The following STEAP1B variants were observed in gnomAD, a reference collection of about 807,000 sequenced individuals.
STEAP1B encodes the protein STEAP family protein MGC87042.
A neutral mutation model predicts 27.9 loss-of-function variants in STEAP1B; 13 were observed. The observed-to-expected ratio is 0.47, with a 90% CI of 0.30 to 0.74. The LOEUF is 0.74. Among genes scored for constraint, STEAP1B ranks in the 30% least tolerant of loss-of-function variants. The probability of loss-of-function intolerance (pLI) is 0.06; values close to 1 mark genes in which losing one functional copy is unlikely to be tolerated. For synonymous variants in STEAP1B, 86 were observed against 107.1 expected, an observed-to-expected ratio of 0.80 and a Z score of 1.22; for missense variants, 250 against 298.7, an observed-to-expected ratio of 0.84 and a Z score of 1.20.
chr7:22,467,190 GACCC>G (rs1241240667), intron 4 of STEAP1B, among the ~76,000 whole-genome samples: 1 of 152,168 alleles, frequency 6.6e-6, no homozygotes, highest in Non-Finnish European at 1.5e-5. Flanking sequence ...AAAGGATAAT[GACCC>G]ACTTTTAGTA....
intron 4 of STEAP1B, among the ~76,000 whole-genome samples, chr7:22,430,909 G>A (rs765553498): frequency 1.3e-4 from 20 of 152,160 alleles, no homozygotes; most frequent in African/African-American, 2.4e-4. Context: ...GATTCTCAGC[G>A]TCTCTCTGCC....
intron 4 of STEAP1B, among the ~76,000 whole-genome samples, chr7:22,460,402 A>G (rs749922098): frequency 2.6e-5 from 4 of 151,714 alleles, no homozygotes; most frequent in Admixed American, 6.6e-5. Flanking sequence ...GAGAGCATTC[A>G]AGGAAGGACA....
rs746611543 is a variant in STEAP1B at position 22,494,817 on chromosome 7, A to T, written c.39T>A (p.Ile13=). Residue 13 remains isoleucine (I), a synonymous_variant, in exon 2 of 5, where the codon ATT becomes ATA. Transcript: ENST00000678116. ...SRKDITNQEE[I]WKMKPRRNLE... ...AATTTCTCCTAGGCTTCATTTTCCA[A>T]ATTTCTTCTTGGTTTGTGATGTCTT... The T allele has an allele frequency of 4.4e-6, 7 of 1,589,844 alleles. No homozygotes were observed. In the African/African-American group the frequency reaches 9.5e-5, roughly 22 times the overall value.
rs116079374 is a variant in STEAP1B at position 22,456,308 on chromosome 7, G to T, written c.762+36257C>A. ...TCAGATTGTCTTCCTCAGTTTCCAA[G>T]GAAGAAATCGTGCTTAAAAACCAAC... On this transcript the variant is annotated intron_variant, in intron 4 of 4. Transcript: ENST00000678116. 1.4e-3 allele frequency among the ~76,000 whole-genome samples: 210 copies of T among 152,308 alleles called. 2 individuals carry two copies. The highest frequency in any genetic ancestry group is 4.0e-3 in the African/African-American group (166 of 41,546).
At chr7:22,432,052 G>A (rs909220017) in intron 4 of STEAP1B, among the ~76,000 whole-genome samples, 6 of 152,178 alleles carry the variant, frequency 3.9e-5, no homozygotes, top group Non-Finnish European at 7.4e-5. Context: ...TTTGGGAGAT[G>A]ATTAGATCAT....
At chr7:22,449,469 C>T (rs1785453850) in intron 4 of STEAP1B, among the ~76,000 whole-genome samples, 1 of 152,176 alleles carries the variant, frequency 6.6e-6, no homozygotes, top group Non-Finnish European at 1.5e-5. Flanking sequence ...TTGGAAATGA[C>T]AGGATCTTAT....
At position 22,436,225 on chromosome 7, in the gene STEAP1B, A is replaced by G. The variant is rs185783966; in HGVS notation, c.763-16389T>C. The stretch of plus-strand genomic sequence containing the variant: ...CTTTTTTAAAAAAATCAACTTTATT[A>G]AAGTATTGACATACAAAAAGCTGTA... On this transcript the variant is annotated intron_variant, in intron 4 of 4. Transcript: ENST00000678116. Among the ~76,000 whole-genome samples the G allele has an allele frequency of 2.8e-4, 42 of 152,376 alleles. No individual in the cohort carries two copies. The East Asian group carries it at 7.9e-3, about 29-fold the overall frequency.
At chr7:22,445,321 G>A (rs996341977) in intron 4 of STEAP1B, among the ~76,000 whole-genome samples, 3 of 152,212 alleles carry the variant, frequency 2.0e-5, no homozygotes, top group Non-Finnish European at 2.9e-5. Context: ...CCTGTAAACC[G>A]CATTGTATTT....
chr7:22,497,545 A>G (rs1168497876), intron 1 of STEAP1B, among the ~76,000 whole-genome samples: 1 of 152,170 alleles, frequency 6.6e-6, no homozygotes, highest in African/African-American at 2.4e-5. Flanking sequence ...GCATATGCCA[A>G]TCATCAAGTA....
intron 4 of STEAP1B, among the ~76,000 whole-genome samples, chr7:22,490,619 C>T (rs1786305229): frequency 6.6e-6 from 1 of 152,192 alleles, no homozygotes; most frequent in Non-Finnish European, 1.5e-5. Flanking sequence ...ATGCACAACA[C>T]CTAGGAGTGT....
intron 4 of STEAP1B, among the ~76,000 whole-genome samples, chr7:22,491,505 G>A (rs945448369): frequency 6.6e-6 from 1 of 152,198 alleles, no homozygotes; most frequent in Non-Finnish European, 1.5e-5. Flanking sequence ...AGGCTGGGAT[G>A]ACTATAGAAA....
chr7:22,457,271 T>A lies in STEAP1B; in HGVS notation c.762+35294A>T, dbSNP rs146801491. On this transcript the variant is annotated intron_variant, in intron 4 of 4. Transcript: ENST00000678116. ...GTAAAAGGGAGTTCTGATTTTTAAT[T>A]GGGGGTAGAAAAAATAAATTAGGAA... 3.0e-3 allele frequency among the ~76,000 whole-genome samples: 461 copies of A among 151,974 alleles called. 2 individuals are homozygous for A. The highest frequency in any genetic ancestry group is 9.7e-3 in the African/African-American group (401 of 41,466).
chr7:22,443,646 A>G (rs772509175), intron 4 of STEAP1B, among the ~76,000 whole-genome samples: 13 of 152,216 alleles, frequency 8.5e-5, no homozygotes, highest in Non-Finnish European at 1.5e-4. Context: ...TGCACACTGT[A>G]CATAGTCAGT....
Position 22,437,460 on chromosome 7 carries a change from T to G in STEAP1B, c.763-17624A>C, listed in dbSNP as rs146435430. ...CCTTCTTTCTTAAGACTGAATAATA[T>G]TCCATTGTGGGTATATACATTTTCG... is the stretch of plus-strand genomic sequence containing the variant. On this transcript the variant is annotated intron_variant, in intron 4 of 4. Transcript: ENST00000678116. Among the ~76,000 whole-genome samples, 509 of 152,376 alleles carry G rather than the reference T, an allele frequency of 3.3e-3. 3 individuals carry two copies. Among genetic ancestry groups the G allele is most frequent in the African/African-American group, 0.012 (495 of 41,594 alleles).
At chr7:22,459,778 G>A (rs1203884103) in intron 4 of STEAP1B, among the ~76,000 whole-genome samples, 2 of 152,062 alleles carry the variant, frequency 1.3e-5, no homozygotes, top group East Asian at 1.9e-4. Context: ...CCCGTTATGG[G>A]TCCCGTCCTC....
intron 4 of STEAP1B, among the ~76,000 whole-genome samples, chr7:22,423,284 T>C (rs1023764236): frequency 2.0e-5 from 3 of 152,110 alleles, no homozygotes; most frequent in Admixed American, 1.3e-4. Context: ...TTAAGAGAAA[T>C]AAAAATATAT....
chr7:22,456,662 A>C (rs1415904136), intron 4 of STEAP1B, among the ~76,000 whole-genome samples: 1 of 152,064 alleles, frequency 6.6e-6, no homozygotes, highest in Non-Finnish European at 1.5e-5. Flanking sequence ...ATCTGAAAGA[A>C]ATGTCTGACT....
intron 4 of STEAP1B, among the ~76,000 whole-genome samples, chr7:22,453,937 C>G (rs1426462026): frequency 6.6e-6 from 1 of 152,172 alleles, no homozygotes. Context: ...TGTATCCATT[C>G]TGCTGTTGAT....
At chr7:22,445,610 C>T (rs1379210436) in intron 4 of STEAP1B, among the ~76,000 whole-genome samples, 1 of 152,274 alleles carries the variant, frequency 6.6e-6, no homozygotes, top group Non-Finnish European at 1.5e-5. Context: ...CCTGGCTTCC[C>T]GCCCTCCACC....
Sources: allele counts gnomAD v4.1 joint callset (sites outside exome capture counted in the v4.1 genomes callset), GRCh38; gene constraint gnomAD v4.1.1; transcripts MANE v1.5; gene names NCBI Gene and HGNC (gene_info 2026-07-23, HGNC 2026-07-21).